The following C6orf141 variants were observed in gnomAD, a reference collection of about 807,000 sequenced individuals.
C6orf141 encodes the protein chromosome 6 open reading frame 141.
For synonymous variants in C6orf141, 164 were observed against 140.5 expected, an observed-to-expected ratio of 1.17 and a Z score of -1.18; for missense variants, 361 against 335.8, an observed-to-expected ratio of 1.07 and a Z score of -0.59.
intron 4 of C6orf141, among the ~76,000 whole-genome samples, chr6:49,561,358 C>T (rs1344611260): frequency 6.6e-6 from 1 of 152,194 alleles, no homozygotes; most frequent in Non-Finnish European, 1.5e-5. Flanking sequence ...CTTGGCCTCC[C>T]AAAGTGCTGG....
intron 4 of C6orf141, among the ~76,000 whole-genome samples, chr6:49,558,716 G>C (rs756552132): frequency 3.3e-5 from 5 of 151,106 alleles, no homozygotes; most frequent in Admixed American, 6.6e-5. Context: ...ATTTTTTTTG[G>C]GGGGGGTGCG....
Position 49,550,842 on chromosome 6 carries a change from C to A in C6orf141, c.50C>A (p.Ala17Glu). ...RMETRGPQGA[A>E]NPMDSSRSLG... is the part of the protein sequence containing the mutation. ...GAGACCCGGGGGCCTCAGGGAGCTG[C>A]GAATCCCATGGACTCCTCCCGCAGC... Residue 17 changes from alanine (A) to glutamate (E), a missense_variant, in exon 1 of 1, where the codon GCG becomes GAG. Coordinates refer to ENST00000529246, the MANE Select transcript of C6orf141 (RefSeq NM_001145652.2). 1 of 1,486,788 alleles carries A rather than the reference C, an allele frequency of 6.7e-7. No individual in the cohort carries two copies. Among genetic ancestry groups the A allele is most frequent in the Non-Finnish European group, 8.9e-7 (1 of 1,121,800 alleles). 92.1% of individuals were successfully genotyped at this position (1,486,788 alleles called of 1,614,324 possible).
downstream of C6orf141, chr6:49,554,936 T>C (rs958869752): frequency 6.6e-6 from 1 of 152,256 alleles, no homozygotes; most frequent in Non-Finnish European, 1.5e-5. Context: ...TTATCCCGTT[T>C]ACAAATGTCC....
chr6:49,561,101 AT>A (rs35286960), intron 4 of C6orf141, among the ~76,000 whole-genome samples: 121 of 140,766 alleles, frequency 8.6e-4, no homozygotes, highest in African/African-American at 2.7e-3. Context: ...TGTGAGAGTA[AT>A]TTTTTTTTTT....
Position 49,551,111 on chromosome 6 carries a change from C to T in C6orf141, c.319C>T (p.Arg107Trp). 3 of 1,551,634 alleles carry T rather than the reference C, an allele frequency of 1.9e-6. No individual in the cohort carries two copies. The highest frequency in any genetic ancestry group is 2.0e-5 in the Admixed American group (1 of 50,996). Residue 107 changes from arginine (R) to tryptophan (W), a missense_variant, in exon 1 of 1, where the codon CGG becomes TGG. Arg to Trp is a moderately radical substitution (Grantham distance 101). Coordinates refer to ENST00000529246, the MANE Select transcript of C6orf141 (RefSeq NM_001145652.2). ...GTTAGGGACTCGAGGGGACCCTGCA[C>T]GGGAAGAGGTGGCCGGTGCAGAGGA... The part of the protein sequence containing the change: ...RWLGTRGDPA[R>W]EEVAGAEDLP...
chr6:49,557,649 AAAAC>A (rs374155278), intron 4 of C6orf141, among the ~76,000 whole-genome samples: 277 of 152,214 alleles, frequency 1.8e-3, no homozygotes, highest in African/African-American at 5.9e-3. Context: ...GTAATCACTG[AAAAC>A]AAACAAACAA....
chr6:49,551,199 G>C lies in C6orf141; in HGVS notation c.407G>C (p.Arg136Pro), dbSNP rs1770420018. 1 of 1,551,422 alleles carries C rather than the reference G, an allele frequency of 6.4e-7. No homozygotes were observed. Among genetic ancestry groups the C allele is most frequent in the Admixed American group, 2.0e-5 (1 of 50,940 alleles). ...EEPNYPSVFQ[R>P]QKRISGRRVA... The stretch of plus-strand genomic sequence containing the variant: ...CCCAACTACCCTTCTGTCTTTCAAC[G>C]ACAAAAGCGAATTTCTGGCAGGCGT... Residue 136 changes from arginine (R) to proline (P), a missense_variant, in exon 1 of 1, where the codon CGA (arginine) becomes CCA (proline). Arg to Pro is a moderately radical substitution (Grantham distance 103). Coordinates refer to ENST00000529246, the MANE Select transcript of C6orf141 (RefSeq NM_001145652.2).
rs1770224349 is a variant in C6orf141, at chr6:49,550,736, C to T, written c.-57C>T. On this transcript the variant is annotated 5_prime_UTR_variant, in exon 1 of 1. Coordinates refer to ENST00000529246, the MANE Select transcript of C6orf141 (RefSeq NM_001145652.2). ...GGCCACACCCAGGGCTTGGTGGTCCCGCGCTTTCCGGAGCTCAGCAGGCGC... is the reference window on the plus strand; with the variant it reads ...GGCCACACCCAGGGCTTGGTGGTCCTGCGCTTTCCGGAGCTCAGCAGGCGC... 2 of 1,398,342 alleles carry T rather than the reference C, an allele frequency of 1.4e-6. No homozygotes were observed. The highest frequency in any genetic ancestry group is 2.6e-5 in the East Asian group (1 of 37,920). 86.6% of individuals were successfully genotyped at this position (1,398,342 alleles called of 1,614,324 possible). A position where few individuals can be genotyped will look rare whatever the true frequency, so the allele number is the denominator to read the frequency against.
At chr6:49,558,074 T>TTTTG (rs1581908765) in intron 4 of C6orf141, among the ~76,000 whole-genome samples, 1 of 141,302 alleles carries the variant, frequency 7.1e-6, no homozygotes, top group African/African-American at 2.6e-5. Context: ...TTTTTTTTTT[T>TTTTG]TTTTTTTTTA....
intron 4 of C6orf141, among the ~76,000 whole-genome samples, chr6:49,559,634 C>T (rs974242406): frequency 1.3e-5 from 2 of 151,962 alleles, no homozygotes; most frequent in African/African-American, 4.8e-5. Context: ...GACCATTGGA[C>T]CATCCTTAGG....
downstream of C6orf141, chr6:49,555,186 T>C (rs1003287821): frequency 1.3e-5 from 2 of 152,250 alleles, no homozygotes; most frequent in Non-Finnish European, 2.9e-5. Flanking sequence ...TAAAACTCTT[T>C]GTTTACAACC....
At chr6:49,556,263 T>C (rs531829692), downstream of C6orf141, among the ~76,000 whole-genome samples, 1 of 152,330 alleles carries the variant, frequency 6.6e-6, no homozygotes, top group Non-Finnish European at 1.5e-5. Context: ...TTACCAAAAC[T>C]GAAAAGTTTT....
downstream of C6orf141, chr6:49,555,212 G>A (rs1418272070): frequency 1.3e-5 from 2 of 152,118 alleles, no homozygotes; most frequent in Non-Finnish European, 2.9e-5. Flanking sequence ...CTCCTTTTGG[G>A]AATCATTACA....
chr6:49,553,012 A>G (rs945883839), downstream of C6orf141: 1 of 151,980 alleles, frequency 6.6e-6, no homozygotes, highest in Non-Finnish European at 1.5e-5. Context: ...GCTCACCACA[A>G]CCTCTACCTC....
exon 1 of C6orf141, chr6:49,551,021 GA>G (rs1770344633): frequency 6.4e-7 from 1 of 1,551,320 alleles, no homozygotes; most frequent in African/African-American, 1.4e-5. Context: ...TCGGGCCGGG[GA>G]GGAATTGGAC....
chr6:49,558,883 A>G (rs933054892), intron 4 of C6orf141, among the ~76,000 whole-genome samples: 9 of 151,322 alleles, frequency 5.9e-5, no homozygotes, highest in Non-Finnish European at 1.2e-4. Flanking sequence ...AATTTTTTGT[A>G]TTTTTAGTAG....
In C6orf141 at chr6:49,550,803, C is replaced by T. The variant is rs1770243829; in HGVS notation, c.11C>T (p.Pro4Leu). Residue 4 changes from proline to leucine, a missense_variant, in exon 1 of 1, where the codon CCT (proline) becomes CTT (leucine). Pro to Leu is a moderately conservative substitution (Grantham distance 98, BLOSUM62 -3). Coordinates refer to ENST00000529246, the MANE Select transcript of C6orf141 (RefSeq NM_001145652.2). MND[P>L]FARMETRGPQ... is the part of the protein sequence containing the mutation. The stretch of plus-strand genomic sequence containing the variant: ...TCAAAGAAGGAACGAATGAATGACC[C>T]TTTTGCCAGGATGGAGACCCGGGGG... 1 of 1,463,274 alleles carries T rather than the reference C, an allele frequency of 6.8e-7. No homozygotes were observed. Among genetic ancestry groups the T allele is most frequent in the Non-Finnish European group, 9.0e-7 (1 of 1,109,662 alleles). 90.6% of individuals were successfully genotyped at this position (1,463,274 alleles called of 1,614,324 possible). A position where few individuals can be genotyped will look rare whatever the true frequency, so the allele number is the denominator to read the frequency against.
chr6:49,553,194 T>G (rs994319459), downstream of C6orf141: 11 of 152,330 alleles, frequency 7.2e-5, no homozygotes, highest in African/African-American at 2.2e-4. Context: ...CCTCCCAAAG[T>G]GCTGGGATTA....
chr6:49,551,668 T>G lies in C6orf141; in HGVS notation c.*141T>G. The stretch of plus-strand genomic sequence containing the variant: ...GGTGCAGCGCTTCGGGGAGGCAGAT[T>G]AAGAACTGTAAGCAGCATAATACCT... On this transcript the variant is annotated 3_prime_UTR_variant, in exon 1 of 1. Coordinates refer to ENST00000529246, the MANE Select transcript of C6orf141 (RefSeq NM_001145652.2). The G allele has an allele frequency of 6.8e-7, 1 of 1,465,370 alleles. No individual in the cohort carries two copies. Among genetic ancestry groups the G allele is most frequent in the East Asian group, 2.5e-5 (1 of 40,328 alleles). The allele number at this position is 1,465,370 out of a possible 1,614,324, so 90.8% of individuals were successfully genotyped here.
Sources: gnomAD v4.1 joint callset for allele counts (sites outside exome capture counted in the v4.1 genomes callset) on GRCh38, gnomAD v4.1.1 for gene constraint, MANE v1.5 for transcripts, NCBI Gene and HGNC (gene_info 2026-07-23, HGNC 2026-07-21) for gene names.